Variants in CELF2 observed in about 807,000 individuals in gnomAD.
CELF2 encodes the protein CUGBP Elav-like family member 2.
CELF2 carries 8 observed loss-of-function variants against 62.6 expected under a neutral mutation model. The ratio of observed to expected loss-of-function variants is 0.13; its 90% CI spans 0.07 to 0.23. The LOEUF is 0.23. CELF2 is among the 10% of genes least tolerant of loss of function. The pLI, the probability that CELF2 is intolerant of heterozygous loss-of-function variation, is 1.00. For synonymous variants in CELF2, 258 were observed against 250.0 expected (o/e 1.03, Z -0.30); for missense variants, 333 against 671.0 (o/e 0.50, Z 5.56).
At chr10:10,738,253 T>C in the CELF2 span, among the ~76,000 whole-genome samples, 1 of 152,222 alleles carries the variant, frequency 6.6e-6, no homozygotes, top group East Asian at 1.9e-4. Context: ...TTAAAACCCT[T>C]TAGATGTTTA....
At chr10:10,711,688 C>G in the CELF2 span, among the ~76,000 whole-genome samples, 1 of 152,092 alleles carries the variant, frequency 6.6e-6, no homozygotes, top group African/African-American at 2.4e-5. Context: ...TTGAGACCAG[C>G]TTGGCCAATA....
chr10:11,026,136 A>G (rs548841866), intron 1 of CELF2, among the ~76,000 whole-genome samples: 1 of 152,206 alleles, frequency 6.6e-6, no homozygotes, highest in Non-Finnish European at 1.5e-5. Context: ...ATGCAGACAC[A>G]TACGGTCCTC....
chr10:10,520,092 T>G, the CELF2 span, among the ~76,000 whole-genome samples: 1 of 152,208 alleles, frequency 6.6e-6, no homozygotes, highest in African/African-American at 2.4e-5. Flanking sequence ...CCCAGCCAGA[T>G]AGTAGACTAC....
chr10:11,311,484 G>A lies in CELF2; in HGVS notation c.977-2655G>A, dbSNP rs575026602. Among the ~76,000 whole-genome samples, 5 of 152,200 alleles carry A rather than the reference G, an allele frequency of 3.3e-5. No individual in the cohort carries two copies. In the South Asian group the frequency reaches 1.0e-3, roughly 32 times the overall value. ...TATACAAGTAAACCAAGCACCAAGA[G>A]TGAGAAATAGCAGGGACATTATTAG... On this transcript the variant is annotated intron_variant, in intron 9 of 12. Transcript: ENST00000633077. The surrounding 1 kb of genome is among the most constrained non-coding windows in gnomAD (Gnocchi z 4.7).
the CELF2 span, among the ~76,000 whole-genome samples, chr10:10,647,866 G>T: frequency 6.6e-6 from 1 of 152,160 alleles, no homozygotes; most frequent in Non-Finnish European, 1.5e-5. Flanking sequence ...ACACTAGTTT[G>T]CCATTTAACT....
At chr10:11,017,862 C>A (rs1000152142), upstream of CELF2, 2 of 806,262 alleles carry the variant, frequency 2.5e-6, no homozygotes, top group African/African-American at 1.9e-5. This position sits in a 1 kb window ranked among gnomAD's most constrained non-coding sequence, Gnocchi z 5.5. Flanking sequence ...GCGGGCGCCC[C>A]GCGAGCTCCG....
chr10:11,009,298 G>A (rs939033869), intron 1 of CELF2, among the ~76,000 whole-genome samples: 1 of 151,324 alleles, frequency 6.6e-6, no homozygotes, highest in African/African-American at 2.5e-5. Context: ...AATTCACAGA[G>A]ATCGGACTAA....
At chr10:10,945,300 A>G (rs1468052993) in intron 2 of CELF2, among the ~76,000 whole-genome samples, 1 of 152,118 alleles carries the variant, frequency 6.6e-6, no homozygotes, top group Non-Finnish European at 1.5e-5. Context: ...TTGGCTGATG[A>G]GCAGGTCTTA....
At chr10:10,484,835 G>A in the CELF2 span, among the ~76,000 whole-genome samples, 6 of 152,096 alleles carry the variant, frequency 3.9e-5, no homozygotes. Flanking sequence ...TAATTAGGCA[G>A]TATATCTACC....
chr10:10,880,228 G>A (rs1453345021), intron 1 of CELF2, among the ~76,000 whole-genome samples: 1 of 152,162 alleles, frequency 6.6e-6, no homozygotes, highest in African/African-American at 2.4e-5. Context: ...ACTGTGAGGG[G>A]CTGGGCCTAC....
intron 1 of CELF2, among the ~76,000 whole-genome samples, chr10:11,041,141 A>G (rs1308672603): frequency 6.6e-6 from 1 of 152,238 alleles, no homozygotes; most frequent in Non-Finnish European, 1.5e-5. Context: ...AAAAAGTTGT[A>G]GTGTCCTTTT....
At chr10:11,062,940 C>A (rs927506420) in intron 1 of CELF2, among the ~76,000 whole-genome samples, 1 of 17,810 alleles carries the variant, frequency 5.6e-5, no homozygotes, top group Admixed American at 6.1e-4. Flanking sequence ...TTCAGCAGCA[C>A]CCCCCCCGCC....
the CELF2 span, among the ~76,000 whole-genome samples, chr10:10,742,226 CCA>C: frequency 1.4e-5 from 2 of 139,692 alleles, no homozygotes; most frequent in Admixed American, 1.4e-4. Context: ...GTTTTGTTAA[CCA>C]TGTTTCACAT....
chr10:10,725,172 C>A, the CELF2 span, among the ~76,000 whole-genome samples: 1 of 152,180 alleles, frequency 6.6e-6, no homozygotes, highest in Non-Finnish European at 1.5e-5. Flanking sequence ...GTATTACTGA[C>A]AAATCAATTT....
intron 5 of CELF2, among the ~76,000 whole-genome samples, chr10:11,262,992 T>TTC (rs1382935214): frequency 7.4e-6 from 1 of 135,444 alleles, no homozygotes; most frequent in African/African-American, 2.7e-5. Context: ...ATTCATCTAG[T>TTC]TCTCAGTTCT....
intron 2 of CELF2, among the ~76,000 whole-genome samples, chr10:10,940,997 A>G (rs1019194769): frequency 1.3e-5 from 2 of 152,154 alleles, no homozygotes; most frequent in East Asian, 3.9e-4. Context: ...TTCATAACTT[A>G]TAGTCAGGGT....
intron 10 of CELF2, among the ~76,000 whole-genome samples, chr10:11,320,416 C>G (rs1296816234): frequency 2.0e-5 from 3 of 152,210 alleles, no homozygotes; most frequent in Non-Finnish European, 2.9e-5. Context: ...GCCACTTGGG[C>G]ATGTGTGCAT....
intron 1 of CELF2, among the ~76,000 whole-genome samples, chr10:11,111,492 A>C (rs776053092): frequency 8.5e-5 from 13 of 152,200 alleles, no homozygotes; most frequent in African/African-American, 3.1e-4. Context: ...CTTCCTCCCA[A>C]CATAGCCCAC....
Position 10,944,989 on chromosome 10 carries a change from A to G in CELF2, c.89+24990A>G, listed in dbSNP as rs145045062. On this transcript the variant is annotated intron_variant, in intron 2 of 13. Coordinates refer to the CELF2 transcript ENST00000636488. The stretch of plus-strand genomic sequence containing the variant: ...GGGAGAAGGGGGCAGAGTCCCTGAG[A>G]AGGCAAGAGGGCATGGGATCCAGGG... Among the ~76,000 whole-genome samples, 28 of 152,258 alleles carry G rather than the reference A, an allele frequency of 1.8e-4. No homozygotes were observed. In the East Asian group the frequency reaches 4.5e-3, roughly 24 times the overall value.
Sources: gnomAD v4.1 joint callset for allele counts (sites outside exome capture counted in the v4.1 genomes callset) on GRCh38, gnomAD v4.1.1 for gene constraint, Gnocchi (gnomAD v3.1) non-coding constraint, MANE v1.5 for transcripts, NCBI Gene and HGNC (gene_info 2026-07-23, HGNC 2026-07-21) for gene names.